Variants in LRP1B observed in about 807,000 individuals in gnomAD.
LRP1B encodes the protein LDL receptor related protein 1B.
Under a neutral mutation model 556.6 loss-of-function variants are expected in LRP1B, and 217 were observed. The ratio of observed to expected loss-of-function variants is 0.39; its 90% CI spans 0.35 to 0.44. The LOEUF is 0.44. LRP1B is among the 20% of genes least tolerant of loss of function. The pLI, the probability that LRP1B is intolerant of heterozygous loss-of-function variation, is 1.00. For missense variants in LRP1B, 5,053 were observed against 5,620.8 expected (o/e 0.90, Z 3.23); for synonymous variants, 2,047 against 1,865.8 (o/e 1.10, Z -2.50).
chr2:140,442,629 A>G lies in LRP1B; in HGVS notation c.10295-6T>C. 1 of 1,611,688 alleles carries G rather than the reference A, an allele frequency of 6.2e-7. No individual in the cohort carries two copies. The highest frequency in any genetic ancestry group is 8.5e-7 in the Non-Finnish European group (1 of 1,179,244). On this transcript the variant is annotated splice_polypyrimidine_tract_variant and splice_region_variant and intron_variant, in intron 65 of 90. Transcript: ENST00000389484. The stretch of plus-strand genomic sequence containing the variant: ...TGGAGAACAGCTGTTTTCAGCTTAG[A>G]AAGAAAACTGCCATTAAAATGTAGC...
intron 1 of LRP1B, among the ~76,000 whole-genome samples, chr2:141,834,725 G>A (rs1156331864): frequency 6.6e-6 from 1 of 151,934 alleles, no homozygotes; most frequent in East Asian, 1.9e-4. Context: ...GAAGGATTGG[G>A]ATCAGAAGTT....
At chr2:141,603,338 G>T (rs992798123) in intron 2 of LRP1B, among the ~76,000 whole-genome samples, 1 of 152,132 alleles carries the variant, frequency 6.6e-6, no homozygotes, top group Non-Finnish European at 1.5e-5. Context: ...ATGTATGTGT[G>T]TATGCATGCG....
intron 2 of LRP1B, among the ~76,000 whole-genome samples, chr2:141,696,377 T>A (rs890333265): frequency 1.3e-5 from 2 of 152,014 alleles, no homozygotes; most frequent in Non-Finnish European, 2.9e-5. Context: ...TATATGTTAC[T>A]TTTAATATTG....
intron 49 of LRP1B, among the ~76,000 whole-genome samples, chr2:140,524,975 A>G (rs922825944): frequency 6.6e-6 from 1 of 151,970 alleles, no homozygotes; most frequent in Non-Finnish European, 1.5e-5. Context: ...ACATGATAAA[A>G]GAACCATCAC....
At chr2:140,640,123 C>T (rs895424159) in intron 41 of LRP1B, among the ~76,000 whole-genome samples, 4 of 151,734 alleles carry the variant, frequency 2.6e-5, no homozygotes, top group African/African-American at 7.3e-5. Context: ...CTGCCTCAGC[C>T]TCCCGAGTAG....
intron 35 of LRP1B, among the ~76,000 whole-genome samples, chr2:140,756,845 T>C (rs913034469): frequency 1.5e-4 from 23 of 152,108 alleles, no homozygotes; most frequent in African/African-American, 5.5e-4. Flanking sequence ...TTAAAACTTT[T>C]GTGATTCAAA....
chr2:141,970,949 T>C (rs1457913340), intron 1 of LRP1B, among the ~76,000 whole-genome samples: 1 of 151,598 alleles, frequency 6.6e-6, no homozygotes, highest in African/African-American at 2.4e-5. Flanking sequence ...ATGGCAGGAT[T>C]ATGGAACATC....
intron 50 of LRP1B, among the ~76,000 whole-genome samples, chr2:140,515,167 T>TAAA (rs1324507850): frequency 6.6e-6 from 1 of 152,022 alleles, no homozygotes; most frequent in Admixed American, 6.6e-5. Flanking sequence ...AGAAAACACT[T>TAAA]ACGTCCTAAG....
chr2:141,862,495 C>T (rs893715525), intron 1 of LRP1B, among the ~76,000 whole-genome samples: 3 of 152,154 alleles, frequency 2.0e-5, no homozygotes, highest in Non-Finnish European at 2.9e-5. Context: ...CGGCAACCTC[C>T]GCCTCCCAGT....
At position 140,456,611 on chromosome 2, in the gene LRP1B, TAAGA is replaced by T. The variant is rs1417101741; in HGVS notation, c.9815-12_9815-9del. The T allele has an allele frequency of 6.2e-7, 1 of 1,603,712 alleles. No individual in the cohort carries two copies. The highest frequency in any genetic ancestry group is 8.5e-7 in the Non-Finnish European group (1 of 1,174,886). On this transcript the variant is annotated splice_polypyrimidine_tract_variant and intron_variant, in intron 61 of 90. Transcript: ENST00000389484. ...TGCAGAGATGTTTGGAGACTAAAGA[TAAGA>T]AAGAAACAACAACAACAAAACAGGA... is the stretch of plus-strand genomic sequence containing the variant.
At chr2:140,240,641 G>A (rs957354131) in intron 87 of LRP1B, among the ~76,000 whole-genome samples, 1 of 150,748 alleles carries the variant, frequency 6.6e-6, no homozygotes, top group African/African-American at 2.4e-5. Flanking sequence ...TGAAACAAAG[G>A]CTTTTATCTA....
At chr2:140,734,184 C>T (rs1002506990) in intron 35 of LRP1B, among the ~76,000 whole-genome samples, 9 of 152,158 alleles carry the variant, frequency 5.9e-5, no homozygotes, top group Admixed American at 1.3e-4. Context: ...AGACTTGAAT[C>T]CTGCTCTCTA....
In LRP1B at chr2:142,066,502, T is replaced by C. The variant is rs551210547; in HGVS notation, c.82+64146A>G. Among the ~76,000 whole-genome samples, 5 of 151,634 alleles carry C rather than the reference T, an allele frequency of 3.3e-5. No homozygotes were observed. The South Asian group carries it at 1.0e-3, about 31-fold the overall frequency. ...AAGGGTACTCTCTCCCCCTCTCAAA[T>C]AACATGTTCTTAATTCCTTATGATT... On this transcript the variant is annotated intron_variant, in intron 1 of 90. Coordinates refer to ENST00000389484, the MANE Select transcript of LRP1B (RefSeq NM_018557.3).
At chr2:141,125,007 C>T (rs1701165888) in intron 7 of LRP1B, among the ~76,000 whole-genome samples, 1 of 151,958 alleles carries the variant, frequency 6.6e-6, no homozygotes, top group African/African-American at 2.4e-5. Flanking sequence ...ACAATCAATA[C>T]CTAGGTGCTT....
chr2:141,057,446 A>G (rs148402533), intron 9 of LRP1B, among the ~76,000 whole-genome samples: 55 of 151,880 alleles, frequency 3.6e-4, no homozygotes, highest in African/African-American at 1.3e-3. Flanking sequence ...TGTTGCCCAG[A>G]TATCTCTGAT....
At chr2:141,930,470 A>G (rs1188979106) in intron 1 of LRP1B, among the ~76,000 whole-genome samples, 2 of 152,000 alleles carry the variant, frequency 1.3e-5, no homozygotes, top group African/African-American at 4.8e-5. Flanking sequence ...AAGGTACATC[A>G]CTTTCCAAGA....
chr2:140,639,855 A>G (rs1297291021), intron 41 of LRP1B, among the ~76,000 whole-genome samples: 1 of 152,114 alleles, frequency 6.6e-6, no homozygotes, highest in Non-Finnish European at 1.5e-5. Context: ...AACTCTCTCC[A>G]GCCACACTGG....
At chr2:140,831,485 A>G (rs1037683252) in intron 31 of LRP1B, among the ~76,000 whole-genome samples, 5 of 152,180 alleles carry the variant, frequency 3.3e-5, no homozygotes, top group Non-Finnish European at 7.4e-5. Flanking sequence ...GAAGAATGAG[A>G]CTAGATTCCT....
chr2:141,466,661 T>C lies in LRP1B; in HGVS notation c.343+13735A>G, dbSNP rs146875257. 1.2e-4 allele frequency among the ~76,000 whole-genome samples: 18 copies of C among 152,198 alleles called. No homozygotes were observed. In the East Asian group the frequency reaches 3.1e-3, roughly 26 times the overall value. On this transcript the variant is annotated intron_variant, in intron 3 of 90. Coordinates refer to ENST00000389484, the MANE Select transcript of LRP1B (RefSeq NM_018557.3). ...CCTTCCTCCTGGAATGTGGATGTGA[T>C]ATTTAGGGCTGCAGTGGCCATTTTT...
Sources: gnomAD v4.1 joint callset for allele counts (sites outside exome capture counted in the v4.1 genomes callset) on GRCh38, gnomAD v4.1.1 for gene constraint, MANE v1.5 for transcripts, NCBI Gene and HGNC (gene_info 2026-07-23, HGNC 2026-07-21) for gene names.